Variants in DROSHA observed in about 807,000 individuals in gnomAD.
DROSHA encodes the protein ribonuclease 3.
Under a neutral mutation model 181.9 loss-of-function variants are expected in DROSHA, and 56 were observed. The observed-to-expected ratio is 0.31, with a 90% confidence interval of 0.25 to 0.38. The LOEUF (loss-of-function observed/expected upper bound fraction) is 0.38. DROSHA is among the 10% of genes least tolerant of loss of function. The pLI is 1.00. For synonymous variants in DROSHA, 524 were observed against 591.2 expected, an observed-to-expected ratio of 0.89 and a Z score of 1.65; for missense variants, 1,218 against 1,743.5, an observed-to-expected ratio of 0.70 and a Z score of 5.37.
At chr5:31,492,846 A>G (rs1468018403) in intron 13 of DROSHA, among the ~76,000 whole-genome samples, 1 of 152,252 alleles carries the variant, frequency 6.6e-6, no homozygotes, top group African/African-American at 2.4e-5. Flanking sequence ...TCTTTTGCTC[A>G]GAGACTAAAC....
At chr5:31,501,545 G>C (rs1013061429) in intron 11 of DROSHA, among the ~76,000 whole-genome samples, 4 of 152,032 alleles carry the variant, frequency 2.6e-5, no homozygotes, top group African/African-American at 9.7e-5. Context: ...TTAAGGATCT[G>C]AAGGATATAG....
intron 33 of DROSHA, among the ~76,000 whole-genome samples, chr5:31,407,552 A>G (rs1740796786): frequency 6.6e-6 from 1 of 152,236 alleles, no homozygotes. Context: ...CATGGTGCAG[A>G]TTTCAAATGC....
chr5:31,418,706 G>A (rs1008263070), intron 30 of DROSHA, among the ~76,000 whole-genome samples: 2 of 152,286 alleles, frequency 1.3e-5, no homozygotes, highest in South Asian at 2.1e-4. Flanking sequence ...GAATAACACT[G>A]TCAGGGCTTG....
chr5:31,453,064 A>G (rs1384608875), intron 20 of DROSHA, among the ~76,000 whole-genome samples: 15 of 152,238 alleles, frequency 9.9e-5, no homozygotes, highest in Admixed American at 9.8e-4. Flanking sequence ...CATGAAGACT[A>G]TTCAGTGCAA....
At chr5:31,528,820 G>A (rs755876810) in intron 4 of DROSHA, among the ~76,000 whole-genome samples, 13 of 152,142 alleles carry the variant, frequency 8.5e-5, no homozygotes, top group Non-Finnish European at 1.9e-4. Flanking sequence ...AACTGCAAGC[G>A]CTGTCAGGGC....
rs140007431 is a variant in DROSHA at position 31,458,707 on chromosome 5, T to C, written c.2574+5529A>G. ...TGTTGTAATGGGCAGTAGCCACATG[T>C]GTCTACTGAGCACTCAAAGTGTGGT... On this transcript the variant is annotated intron_variant, in intron 20 of 35. Coordinates refer to ENST00000344624, the MANE Select transcript of DROSHA (RefSeq NM_001382508.1). Among the ~76,000 whole-genome samples, 352 of 152,342 alleles carry C rather than the reference T, an allele frequency of 2.3e-3. 3 individuals are homozygous for C. The highest frequency in any genetic ancestry group is 5.8e-3 in the South Asian group (28 of 4,828).
intron 10 of DROSHA, among the ~76,000 whole-genome samples, chr5:31,508,361 T>G (rs1237070487): frequency 1.3e-5 from 2 of 152,198 alleles, no homozygotes; most frequent in African/African-American, 4.8e-5. Context: ...TTCCATCTAC[T>G]GCAATTTAAT....
chr5:31,474,047 C>T (rs1240539185), intron 16 of DROSHA, among the ~76,000 whole-genome samples: 1 of 152,164 alleles, frequency 6.6e-6, no homozygotes, highest in Non-Finnish European at 1.5e-5. Flanking sequence ...AGCACATAGG[C>T]TAATAATGAT....
At chr5:31,504,477 T>C (rs1737672609) in intron 11 of DROSHA, 78 bp downstream of exon 11, 12 of 1,443,740 alleles carry the variant, frequency 8.3e-6, no homozygotes, top group Non-Finnish European at 1.1e-5. Flanking sequence ...ATTTCATTTA[T>C]GGGGGAAAGA....
chr5:31,468,481 T>C (rs1242591252), intron 17 of DROSHA, among the ~76,000 whole-genome samples: 1 of 152,224 alleles, frequency 6.6e-6, no homozygotes, highest in Non-Finnish European at 1.5e-5. Context: ...CCCTCACTTG[T>C]TCTCAGTGGA....
intron 10 of DROSHA, among the ~76,000 whole-genome samples, chr5:31,506,918 T>C (rs1738040300): frequency 6.6e-6 from 1 of 152,092 alleles, no homozygotes; most frequent in Non-Finnish European, 1.5e-5. Context: ...TAAACAGCAT[T>C]AGAAAGACTG....
At chr5:31,426,700 A>C (rs1029207794) in intron 27 of DROSHA, among the ~76,000 whole-genome samples, 12 of 152,196 alleles carry the variant, frequency 7.9e-5, no homozygotes, top group African/African-American at 2.9e-4. Context: ...GATTAAAAAA[A>C]CGGCTGACAG....
intron 13 of DROSHA, chr5:31,489,155 A>G (rs983067812): frequency 7.2e-5 from 11 of 152,210 alleles, no homozygotes; most frequent in African/African-American, 2.4e-4. Flanking sequence ...TGGGGATCAG[A>G]ATATGCATGG....
At chr5:31,464,832 T>C (rs1006954389) in intron 19 of DROSHA, among the ~76,000 whole-genome samples, 6 of 152,208 alleles carry the variant, frequency 3.9e-5, no homozygotes, top group Admixed American at 2.0e-4. Context: ...ATCCAAAATA[T>C]CACCTGTGAG....
At chr5:31,429,428 C>T in intron 27 of DROSHA, 47 bp downstream of exon 27, 1 of 1,503,492 alleles carries the variant, frequency 6.7e-7, no homozygotes, top group Non-Finnish European at 9.1e-7. Context: ...ATAAAATATT[C>T]TGTAATAATA....
intron 19 of DROSHA, among the ~76,000 whole-genome samples, chr5:31,464,550 T>G (rs542872329): frequency 6.8e-6 from 1 of 148,014 alleles, no homozygotes; most frequent in African/African-American, 2.5e-5. Context: ...CAGCCTTTCT[T>G]GGCAACTAGA....
At chr5:31,491,698 G>GA (rs373333477) in intron 13 of DROSHA, among the ~76,000 whole-genome samples, 127,686 of 146,486 alleles carry the variant, frequency 0.87, 56,147 homozygotes, top group South Asian at 0.95. Flanking sequence ...TGTGACACTT[G>GA]AAAAAAAAAA....
chr5:31,483,470 T>C (rs1259852173), intron 16 of DROSHA, 84 bp downstream of exon 16: 7 of 1,354,342 alleles, frequency 5.2e-6, no homozygotes, highest in Non-Finnish European at 7.3e-6. Context: ...GTGGGAAAGT[T>C]GTCCCTGAAG....
chr5:31,511,810 A>T (rs57755310), intron 8 of DROSHA, among the ~76,000 whole-genome samples: 9 of 152,096 alleles, frequency 5.9e-5, no homozygotes, highest in African/African-American at 1.9e-4. Context: ...GACATCAAAT[A>T]CCCTCATAGG....
Sources: gnomAD v4.1 joint callset for allele counts (sites outside exome capture counted in the v4.1 genomes callset) on GRCh38, gnomAD v4.1.1 for gene constraint, MANE v1.5 for transcripts, NCBI Gene and HGNC (gene_info 2026-07-23, HGNC 2026-07-21) for gene names.